GFRAL: variants seen among roughly 807,000 people sequenced by gnomAD.
GFRAL encodes the protein GDNF family receptor alpha like.
A neutral mutation model predicts 45.4 loss-of-function variants in GFRAL; 36 were observed. The observed-to-expected ratio is 0.79, with a 90% confidence interval of 0.61 to 1.05. The LOEUF is 1.05. Among genes scored for constraint, GFRAL ranks in the 50% least tolerant of loss-of-function variants. The probability of loss-of-function intolerance (pLI) is 0.00; values close to 1 mark genes in which losing one functional copy is unlikely to be tolerated. For synonymous variants in GFRAL, 166 were observed against 154.1 expected (o/e 1.08, Z -0.57); for missense variants, 507 against 467.5 (o/e 1.08, Z -0.78).
intron 5 of GFRAL, among the ~76,000 whole-genome samples, chr6:55,358,291 A>G (rs1231762494): frequency 6.6e-6 from 1 of 152,004 alleles, no homozygotes; most frequent in African/African-American, 2.4e-5. Context: ...ATAAAAATAT[A>G]TTCTTATTGT....
chr6:55,367,538 G>T (rs1246540367), intron 6 of GFRAL, among the ~76,000 whole-genome samples: 3 of 150,460 alleles, frequency 2.0e-5, no homozygotes, highest in Non-Finnish European at 4.4e-5. Flanking sequence ...TCCTAGTCTC[G>T]ATGGTCTTTA....
At chr6:55,348,175 A>G (rs1186908897) in intron 3 of GFRAL, among the ~76,000 whole-genome samples, 1 of 151,966 alleles carries the variant, frequency 6.6e-6, no homozygotes. Context: ...TCCTGAACAT[A>G]TTGACCTTCA....
At chr6:55,329,412 T>C (rs945906970) in intron 1 of GFRAL, among the ~76,000 whole-genome samples, 1 of 152,172 alleles carries the variant, frequency 6.6e-6, no homozygotes, top group African/African-American at 2.4e-5. Flanking sequence ...CTGATGAAGT[T>C]TTGATGATAT....
At chr6:55,345,128 A>C (rs1469570047) in intron 3 of GFRAL, among the ~76,000 whole-genome samples, 3 of 152,184 alleles carry the variant, frequency 2.0e-5, no homozygotes, top group Non-Finnish European at 4.4e-5. Context: ...AAGGTAATTT[A>C]TAGATTCAAT....
rs1421753446 is a variant in GFRAL at position 55,385,290 on chromosome 6, G to C, written c.953-13890G>C. Among the ~76,000 whole-genome samples, 5 of 152,004 alleles carry C rather than the reference G, an allele frequency of 3.3e-5. No individual in the cohort carries two copies. In the East Asian group the frequency reaches 9.6e-4, roughly 29 times the overall value. On this transcript the variant is annotated intron_variant, in intron 6 of 8. Coordinates refer to ENST00000340465, the MANE Select transcript of GFRAL (RefSeq NM_207410.2). ...AAATGATGACATGGAGAAAACTGAA[G>C]CTATAAAAGATGTATCTTAAAAATG...
intron 6 of GFRAL, among the ~76,000 whole-genome samples, chr6:55,395,638 A>T (rs1176633205): frequency 2.6e-5 from 4 of 152,042 alleles, no homozygotes; most frequent in Admixed American, 1.3e-4. Context: ...ATTATATCTC[A>T]AGTATTCTGA....
At chr6:55,354,604 A>T (rs1484977336) in intron 5 of GFRAL, among the ~76,000 whole-genome samples, 1 of 152,038 alleles carries the variant, frequency 6.6e-6, no homozygotes, top group Non-Finnish European at 1.5e-5. Context: ...ATGTGAAAAG[A>T]CAAATCCTAT....
intron 5 of GFRAL, among the ~76,000 whole-genome samples, chr6:55,354,233 C>T (rs188724930): frequency 1.2e-4 from 18 of 152,124 alleles, no homozygotes; most frequent in Admixed American, 9.8e-4. Flanking sequence ...CTCTGAAGCA[C>T]ACACTCTTAC....
At chr6:55,379,250 A>G (rs557444614) in intron 6 of GFRAL, among the ~76,000 whole-genome samples, 1 of 151,924 alleles carries the variant, frequency 6.6e-6, no homozygotes, top group African/African-American at 2.4e-5. Flanking sequence ...TGTACATATT[A>G]TTTCATCACC....
intron 6 of GFRAL, among the ~76,000 whole-genome samples, chr6:55,392,893 A>G (rs1768772471): frequency 6.6e-6 from 1 of 152,206 alleles, no homozygotes. Context: ...AAAATAGAAT[A>G]ACATAATATA....
At chr6:55,399,084 T>C (rs1230156706) in intron 6 of GFRAL, 96 bp from the exon 7 acceptor site, 2 of 595,268 alleles carry the variant, frequency 3.4e-6, no homozygotes, top group South Asian at 3.0e-5. Flanking sequence ...GTAATGGAAA[T>C]AAATTGCTGC....
intron 6 of GFRAL, among the ~76,000 whole-genome samples, chr6:55,367,630 A>C (rs1581915237): frequency 6.6e-6 from 1 of 151,290 alleles, no homozygotes; most frequent in East Asian, 1.9e-4. Flanking sequence ...CTTGTAAGGC[A>C]GGCCTGGTGG....
chr6:55,401,764 T>C, intron 8 of GFRAL, 26 bp from the exon 9 acceptor site: 1 of 1,306,340 alleles, frequency 7.7e-7, no homozygotes, highest in Non-Finnish European at 1.1e-6. Flanking sequence ...TGGCATGTTG[T>C]TAACTTTTAC....
At chr6:55,337,711 T>A (rs2127351067) in intron 3 of GFRAL, among the ~76,000 whole-genome samples, 1 of 152,324 alleles carries the variant, frequency 6.6e-6, no homozygotes, top group African/African-American at 2.4e-5. Context: ...TTGGTTTCTA[T>A]CTCCCTACAA....
intron 6 of GFRAL, among the ~76,000 whole-genome samples, chr6:55,395,171 A>ATATATATATATAT (rs1327884681): frequency 1.1e-5 from 1 of 90,826 alleles, no homozygotes; most frequent in African/African-American, 5.6e-5. Context: ...GGAAAAAAAA[A>ATATATATATATAT]AAAAATATAT....
intron 3 of GFRAL, among the ~76,000 whole-genome samples, chr6:55,348,206 C>T (rs1768068511): frequency 6.7e-6 from 1 of 149,758 alleles, no homozygotes; most frequent in Non-Finnish European, 1.5e-5. Context: ...CAGTAAAAGC[C>T]ACTGTTTAAA....
At chr6:55,332,899 A>G (rs1258526080) in intron 2 of GFRAL, among the ~76,000 whole-genome samples, 1 of 150,736 alleles carries the variant, frequency 6.6e-6, no homozygotes, top group African/African-American at 2.4e-5. Flanking sequence ...ATGTGGTAGA[A>G]CATAGTCAAT....
intron 6 of GFRAL, among the ~76,000 whole-genome samples, chr6:55,359,462 A>G (rs954751879): frequency 1.3e-5 from 2 of 152,064 alleles, no homozygotes; most frequent in Non-Finnish European, 2.9e-5. Context: ...ATAACAAACC[A>G]TAAGTATCTA....
intron 3 of GFRAL, among the ~76,000 whole-genome samples, chr6:55,339,657 A>G (rs1480181894): frequency 6.6e-6 from 1 of 152,216 alleles, no homozygotes. Context: ...AAAATTCTGA[A>G]AAGTCAAAAA....
Sources: gnomAD v4.1 joint callset for allele counts (sites outside exome capture counted in the v4.1 genomes callset) on GRCh38, gnomAD v4.1.1 for gene constraint, MANE v1.5 for transcripts, NCBI Gene and HGNC (gene_info 2026-07-23, HGNC 2026-07-21) for gene names.